Variants in MED21 observed in about 807,000 individuals in gnomAD.
MED21 encodes mediator complex subunit 21, also known as mediator of RNA polymerase II transcription subunit 21.
Under a neutral mutation model 18.2 loss-of-function variants are expected in MED21, and 9 were observed. The observed-to-expected ratio is 0.49, with a 90% CI of 0.30 to 0.86. The LOEUF (loss-of-function observed/expected upper bound fraction) is 0.86, where lower values mean the gene tolerates loss of function less well. Among genes scored for constraint, MED21 ranks in the 40% least tolerant of loss-of-function variants. MED21 has a pLI of 0.07. For synonymous variants in MED21, 73 were observed against 60.5 expected, an observed-to-expected ratio of 1.21 and a Z score of -0.96; for missense variants, 150 against 170.9, an observed-to-expected ratio of 0.88 and a Z score of 0.68.
intron 1 of MED21, among the ~76,000 whole-genome samples, chr12:27,026,081 A>C (rs999596173): frequency 2.0e-5 from 3 of 152,170 alleles, no homozygotes; most frequent in African/African-American, 7.2e-5. Context: ...ATCCCCAAAA[A>C]GTCTTTACTT....
At chr12:27,036,054 A>G (rs1941647697) in intron 2 of MED21, among the ~76,000 whole-genome samples, 1 of 152,330 alleles carries the variant, frequency 6.6e-6, no homozygotes, top group South Asian at 2.1e-4. Context: ...CAGTCCCACC[A>G]ATAGTGTAAA....
intron 2 of MED21, among the ~76,000 whole-genome samples, chr12:27,036,815 A>C (rs1317934577): frequency 6.6e-6 from 1 of 152,200 alleles, no homozygotes; most frequent in Non-Finnish European, 1.5e-5. Flanking sequence ...TTTTGGTACC[A>C]GTACCATGCT....
rs1941586637 is a variant in MED21 at position 27,029,368 on chromosome 12, A to G, written c.*907A>G. The G allele has an allele frequency of 2.0e-6, 2 of 985,420 alleles. No homozygotes were observed. The allele number at this position is 985,420 out of a possible 1,614,324, so 61.0% of individuals were successfully genotyped here. A position where few individuals can be genotyped will look rare whatever the true frequency, so the allele number is the denominator to read the frequency against. ...ATAATAATTTGTGTCAGCATTTTCA[A>G]CTATGGTTATTCATCCAACCCTTGG... is the stretch of plus-strand genomic sequence containing the variant. On this transcript the variant is annotated 3_prime_UTR_variant, in exon 4 of 4. Coordinates refer to ENST00000282892, the MANE Select transcript of MED21 (RefSeq NM_004264.5).
downstream of MED21, among the ~76,000 whole-genome samples, chr12:27,034,112 A>G (rs1941635683): frequency 6.6e-6 from 1 of 152,222 alleles, no homozygotes; most frequent in Admixed American, 6.5e-5. Flanking sequence ...TAATCCTTTA[A>G]ACTTCAAAAA....
At position 27,028,606 on chromosome 12, in the gene MED21, T is replaced by G. The variant is rs961215792; in HGVS notation, c.*145T>G. ...ACCTTTTTAGCTATTTTTAATAGTCTTCTATTTTCACTCTTGATAAGCTTA... is the reference window on the plus strand; with the variant it reads ...ACCTTTTTAGCTATTTTTAATAGTCGTCTATTTTCACTCTTGATAAGCTTA... On this transcript the variant is annotated 3_prime_UTR_variant, in exon 4 of 4. Transcript: ENST00000282892. 5 of 1,318,196 alleles carry G rather than the reference T, an allele frequency of 3.8e-6. No individual in the cohort carries two copies. Among genetic ancestry groups the G allele is most frequent in the Admixed American group, 3.3e-5 (1 of 30,018 alleles). 81.7% of individuals were successfully genotyped at this position (1,318,196 alleles called of 1,614,324 possible). A position where few individuals can be genotyped will look rare whatever the true frequency, so the allele number is the denominator to read the frequency against.
At chr12:27,033,857 G>GA (rs1941634446), downstream of MED21, among the ~76,000 whole-genome samples, 1 of 152,146 alleles carries the variant, frequency 6.6e-6, no homozygotes, top group South Asian at 2.1e-4. Flanking sequence ...GCATGTAGGA[G>GA]AAAATGCAAG....
intron 2 of MED21, chr12:27,037,498 A>G (rs1050181393): frequency 9.9e-5 from 15 of 152,006 alleles, no homozygotes; most frequent in African/African-American, 3.6e-4. Flanking sequence ...GTGGTGAGAG[A>G]GGGCATCCCT....
downstream of MED21, among the ~76,000 whole-genome samples, chr12:27,032,041 G>A (rs574058500): frequency 6.6e-6 from 1 of 152,316 alleles, no homozygotes; most frequent in African/African-American, 2.4e-5. Flanking sequence ...AACGACGGAT[G>A]TGTCTTGCAT....
intron 1 of MED21, among the ~76,000 whole-genome samples, chr12:27,023,208 C>T (rs1002164724): frequency 6.6e-6 from 1 of 151,824 alleles, no homozygotes; most frequent in Non-Finnish European, 1.5e-5. Flanking sequence ...TCTTGGCCAT[C>T]CCTCAGAATA....
chr12:27,022,558 G>T lies in MED21; in HGVS notation c.-22G>T, dbSNP rs773269437. On this transcript the variant is annotated 5_prime_UTR_variant, in exon 1 of 4. Transcript: ENST00000282892. The stretch of plus-strand genomic sequence containing the variant: ...GTCGCGGAAGAGCAGCTGTTTTGGC[G>T]TCTGTTTGCTGCGGTAGGAACATGG... 2 of 1,533,392 alleles carry T rather than the reference G, an allele frequency of 1.3e-6. No homozygotes were observed. Among genetic ancestry groups the T allele is most frequent in the African/African-American group, 1.4e-5 (1 of 72,386 alleles). 95.0% of individuals were successfully genotyped at this position (1,533,392 alleles called of 1,614,324 possible).
rs1371991813 is a variant in MED21, at chr12:27,029,191, A to T, written c.*730A>T. 10 of 985,024 alleles carry T rather than the reference A, an allele frequency of 1.0e-5. No individual in the cohort carries two copies. The highest frequency in any genetic ancestry group is 3.5e-5 in the African/African-American group (2 of 57,146). The allele number at this position is 985,024 out of a possible 1,614,324, so 61.0% of individuals were successfully genotyped here. Reference sequence around the variant, plus strand: ...TCATCACAATGAAGTATGTTTTTTGAATCATCAATTCTTTCTCATTCTCCA... The same window carrying T: ...TCATCACAATGAAGTATGTTTTTTGTATCATCAATTCTTTCTCATTCTCCA... On this transcript the variant is annotated 3_prime_UTR_variant, in exon 4 of 4. Transcript: ENST00000282892.
At position 27,037,713 on chromosome 12, in the gene MED21, AC is replaced by A. The variant is rs200440713; in HGVS notation, n.147-8440del. On this transcript the variant is annotated intron_variant and non_coding_transcript_variant, in intron 2 of 4. Transcript: ENST00000538186. ...AATTTAGAGATGCCCTTTTAAAAAA[AC>A]ATATTACAAATTGGAATATTCAAAG... 1.5e-3 allele frequency: 227 copies of A among 152,360 alleles called. 1 individual carries two copies. Among genetic ancestry groups the A allele is most frequent in the African/African-American group, 5.3e-3 (221 of 41,592 alleles). 9.4% of individuals were successfully genotyped at this position (152,360 alleles called of 1,614,324 possible). A position where few individuals can be genotyped will look rare whatever the true frequency, so the allele number is the denominator to read the frequency against.
downstream of MED21, among the ~76,000 whole-genome samples, chr12:27,032,574 ATTAACCT>A (rs1290559063): frequency 2.0e-5 from 3 of 152,312 alleles, no homozygotes; most frequent in African/African-American, 7.2e-5. Flanking sequence ...TGACTACAGT[ATTAACCT>A]TTACTTGAGC....
At position 27,029,152 on chromosome 12, in the gene MED21, C is replaced by T. The variant is rs2136489632; in HGVS notation, c.*691C>T. 1.0e-6 allele frequency: 1 copy of T among 985,162 alleles called. No individual in the cohort carries two copies. The highest frequency in any genetic ancestry group is 1.1e-4 in the East Asian group (1 of 8,814). 61.0% of individuals were successfully genotyped at this position (985,162 alleles called of 1,614,324 possible). ...TTCTTTTCACCTTGCTTTTTTTCAT[C>T]CTTAATTTGCTTGTCATCACAATGA... On this transcript the variant is annotated 3_prime_UTR_variant, in exon 4 of 4. Transcript: ENST00000282892.
rs1941587818 is a variant in MED21, at chr12:27,029,461, A to G, written c.*1000A>G. 2.0e-6 allele frequency: 2 copies of G among 985,342 alleles called. No individual in the cohort carries two copies. The highest frequency in any genetic ancestry group is 9.4e-5 in the South Asian group (2 of 21,294). 61.0% of individuals were successfully genotyped at this position (985,342 alleles called of 1,614,324 possible). A position where few individuals can be genotyped will look rare whatever the true frequency, so the allele number is the denominator to read the frequency against. ...TTGAAATGTGGTCCACATTTTAACT[A>G]GCTATTTCCTGGGGCTGTATTTTTC... On this transcript the variant is annotated 3_prime_UTR_variant, in exon 4 of 4. Transcript: ENST00000282892.
At chr12:27,027,225 C>G in intron 2 of MED21, 122 bp from the exon 3 acceptor site, 1 of 604,650 alleles carries the variant, frequency 1.7e-6, no homozygotes, top group Middle Eastern at 5.2e-4. Context: ...CCACGCCTGG[C>G]CGAATCATTA....
intron 2 of MED21, 152 bp downstream of exon 2, chr12:27,026,686 A>C: frequency 1.5e-6 from 1 of 674,666 alleles, no homozygotes; most frequent in South Asian, 1.7e-5. Flanking sequence ...AAAAATTTAC[A>C]GTCAATTCAC....
Position 27,026,385 on chromosome 12 carries a change from C to T in MED21, c.43-35C>T, listed in dbSNP as rs768204408. On this transcript the variant is annotated intron_variant, in intron 1 of 3. Transcript: ENST00000282892. ...AATAAAGTCCTTAAAACTGATAAGT[C>T]CTTTCTAACCTTGATATGTTTTCTT... 4 of 1,398,140 alleles carry T rather than the reference C, an allele frequency of 2.9e-6. No homozygotes were observed. The Admixed American group carries it at 5.4e-5, about 19-fold the overall frequency. 86.6% of individuals were successfully genotyped at this position (1,398,140 alleles called of 1,614,324 possible).
intron 2 of MED21, chr12:27,038,915 T>A (rs1941665326): frequency 6.6e-6 from 1 of 152,148 alleles, no homozygotes; most frequent in Non-Finnish European, 1.5e-5. Flanking sequence ...AAGCATGGTA[T>A]GTGAATAATA....
Sources: gnomAD v4.1 joint callset for allele counts (sites outside exome capture counted in the v4.1 genomes callset) on GRCh38, gnomAD v4.1.1 for gene constraint, MANE v1.5 for transcripts, NCBI Gene and HGNC (gene_info 2026-07-23, HGNC 2026-07-21) for gene names.